The following PPP2CB variants were observed in gnomAD, a reference collection of about 807,000 sequenced individuals.
PPP2CB encodes protein phosphatase 2 catalytic subunit beta.
PPP2CB carries 18 observed loss-of-function variants against 39.1 expected under a neutral mutation model. The ratio of observed to expected loss-of-function variants is 0.46; its 90% CI spans 0.32 to 0.68. PPP2CB has a LOEUF of 0.68. PPP2CB is among the 30% of genes least tolerant of loss of function. The pLI is 0.04. For synonymous variants in PPP2CB, 129 were observed against 133.8 expected, an observed-to-expected ratio of 0.96 and a Z score of 0.25; for missense variants, 226 against 396.9, an observed-to-expected ratio of 0.57 and a Z score of 3.66.
chr8:30,791,190 TACTC>T lies in PPP2CB; in HGVS notation c.857+3_857+6del. ...AGTATATACAATTAAAATTTACAGTTACTCACAAGGAATATTTTAAAGTGTCATC... is the reference window on the plus strand; with the variant it reads ...AGTATATACAATTAAAATTTACAGTTACAAGGAATATTTTAAAGTGTCATC... On this transcript the variant is annotated splice_donor_5th_base_variant and intron_variant, in intron 6 of 6. Transcript: ENST00000221138. The T allele has an allele frequency of 1.3e-6, 2 of 1,539,906 alleles. No individual in the cohort carries two copies. The highest frequency in any genetic ancestry group is 1.8e-6 in the Non-Finnish European group (2 of 1,126,694).
At chr8:30,795,183 T>A (rs1806501449) in intron 3 of PPP2CB, among the ~76,000 whole-genome samples, 1 of 150,718 alleles carries the variant, frequency 6.6e-6, no homozygotes, top group Non-Finnish European at 1.5e-5. Context: ...TGGCGTGATC[T>A]CGGCTCACCG....
rs1384333858 is a variant in PPP2CB, at chr8:30,812,525, C to G, written c.-104G>C. 4 of 746,340 alleles carry G rather than the reference C, an allele frequency of 5.4e-6. No individual in the cohort carries two copies. The highest frequency in any genetic ancestry group is 3.8e-6 in the Non-Finnish European group (2 of 526,528). The allele number at this position is 746,340 out of a possible 1,614,324, so 46.2% of individuals were successfully genotyped here. A position where few individuals can be genotyped will look rare whatever the true frequency, so the allele number is the denominator to read the frequency against. On this transcript the variant is annotated 5_prime_UTR_variant, in exon 1 of 7. Coordinates refer to ENST00000221138, the MANE Select transcript of PPP2CB (RefSeq NM_001009552.2). ...GCCCGGGCGCCGCTCCCCTCTCCCTCCGCCGCCGTCGCCAGGTCCCACAGG... is the reference window on the plus strand; with the variant it reads ...GCCCGGGCGCCGCTCCCCTCTCCCTGCGCCGCCGTCGCCAGGTCCCACAGG...
chr8:30,800,946 C>G (rs970533648), intron 1 of PPP2CB, among the ~76,000 whole-genome samples: 4 of 152,152 alleles, frequency 2.6e-5, no homozygotes. Context: ...GTGGCTCATG[C>G]CTGTAATTCC....
chr8:30,790,628 G>A (rs1806414372), intron 6 of PPP2CB, among the ~76,000 whole-genome samples: 1 of 152,220 alleles, frequency 6.6e-6, no homozygotes, highest in Non-Finnish European at 1.5e-5. Context: ...GGGAAACCCA[G>A]CATTCTCATC....
rs564669728 is a variant in PPP2CB at position 30,788,223 on chromosome 8, A to G, written c.858-1916T>C. Among the ~76,000 whole-genome samples, 24 of 151,586 alleles carry G rather than the reference A, an allele frequency of 1.6e-4. No homozygotes were observed. The South Asian group carries it at 4.8e-3, about 30-fold the overall frequency. ...CTCTGCTTTTTCTAGGTCCTCAAGTATAAAGATAGGTTACTGATTTCAAAT... is the reference window on the plus strand; with the variant it reads ...CTCTGCTTTTTCTAGGTCCTCAAGTGTAAAGATAGGTTACTGATTTCAAAT... On this transcript the variant is annotated intron_variant, in intron 6 of 6. Coordinates refer to ENST00000221138, the MANE Select transcript of PPP2CB (RefSeq NM_001009552.2).
At chr8:30,800,100 A>G (rs1428619564) in intron 1 of PPP2CB, among the ~76,000 whole-genome samples, 1 of 152,240 alleles carries the variant, frequency 6.6e-6, no homozygotes, top group Non-Finnish European at 1.5e-5. Flanking sequence ...AATGAAATCC[A>G]GTTTATACAT....
intron 1 of PPP2CB, among the ~76,000 whole-genome samples, chr8:30,805,658 AATTC>A (rs1391464184): frequency 2.6e-5 from 4 of 152,236 alleles, no homozygotes; most frequent in Non-Finnish European, 5.9e-5. Context: ...CTAAAAAGTT[AATTC>A]AAATAAGCTT....
At position 30,785,876 on chromosome 8, in the gene PPP2CB, A is replaced by G; in HGVS notation, c.*359T>C. 2.7e-6 allele frequency: 1 copy of G among 368,404 alleles called. No individual in the cohort carries two copies. Among genetic ancestry groups the G allele is most frequent in the Non-Finnish European group, 5.3e-6 (1 of 188,080 alleles). The allele number at this position is 368,404 out of a possible 1,614,324, so 22.8% of individuals were successfully genotyped here. ...AATTTTTCTTAAAAATAAAACTCCA[A>G]CTCTATTAATCCATGCCAGTTAAAC... On this transcript the variant is annotated 3_prime_UTR_variant, in exon 7 of 7. Coordinates refer to ENST00000221138, the MANE Select transcript of PPP2CB (RefSeq NM_001009552.2).
intron 6 of PPP2CB, chr8:30,790,915 C>G (rs1806418140): frequency 3.8e-6 from 1 of 263,372 alleles, no homozygotes; most frequent in South Asian, 5.4e-5. Flanking sequence ...TTGGAGGGGG[C>G]AAGTCATAGC....
intron 1 of PPP2CB, 23 bp downstream of exon 1, chr8:30,812,297 A>T: frequency 6.8e-7 from 1 of 1,480,188 alleles, no homozygotes; most frequent in Non-Finnish European, 9.0e-7. Flanking sequence ...GCGCTCCCGC[A>T]CTCGCCCCCG....
At chr8:30,807,902 G>A (rs1163638606) in intron 1 of PPP2CB, among the ~76,000 whole-genome samples, 2 of 152,206 alleles carry the variant, frequency 1.3e-5, no homozygotes, top group Non-Finnish European at 2.9e-5. Flanking sequence ...AGTCTTCTCA[G>A]AAGACATGCC....
At chr8:30,811,825 C>G (rs1319690212) in intron 1 of PPP2CB, among the ~76,000 whole-genome samples, 1 of 152,050 alleles carries the variant, frequency 6.6e-6, no homozygotes, top group Non-Finnish European at 1.5e-5. Context: ...TCTGAGGTGC[C>G]CCGTTCACCT....
At chr8:30,788,444 T>C (rs6468458) in intron 6 of PPP2CB, among the ~76,000 whole-genome samples, 20,416 of 152,036 alleles carry the variant, frequency 0.13, 1,464 homozygotes, top group African/African-American at 0.2. Flanking sequence ...TAAATTTTTT[T>C]GTAGAGACGG....
At chr8:30,795,119 A>ATTTTT (rs893547625) in intron 3 of PPP2CB, among the ~76,000 whole-genome samples, 5 of 127,498 alleles carry the variant, frequency 3.9e-5, no homozygotes, top group African/African-American at 5.8e-5. Flanking sequence ...TCTGATTTTG[A>ATTTTT]TTTTTTTTTT....
At chr8:30,804,853 A>G (rs1205765709) in intron 1 of PPP2CB, among the ~76,000 whole-genome samples, 2 of 152,086 alleles carry the variant, frequency 1.3e-5, no homozygotes, top group Non-Finnish European at 2.9e-5. Flanking sequence ...AGTAAACCAC[A>G]TTATAAAGAA....
chr8:30,786,043 T>C lies in PPP2CB; in HGVS notation c.*192A>G. The C allele has an allele frequency of 1.5e-6, 1 of 684,498 alleles. No homozygotes were observed. Among genetic ancestry groups the C allele is most frequent in the Non-Finnish European group, 2.7e-6 (1 of 375,474 alleles). The allele number at this position is 684,498 out of a possible 1,614,324, so 42.4% of individuals were successfully genotyped here. ...CTGACCTAGAACATAGTGTACTAAA[T>C]TTCAGTCTCAAATTGTGCTAAATGC... On this transcript the variant is annotated 3_prime_UTR_variant, in exon 7 of 7. Transcript: ENST00000221138.
At chr8:30,811,863 T>C (rs1806835185) in intron 1 of PPP2CB, among the ~76,000 whole-genome samples, 1 of 152,100 alleles carries the variant, frequency 6.6e-6, no homozygotes, top group Non-Finnish European at 1.5e-5. Flanking sequence ...TATTAACAAG[T>C]TCATTAATAC....
rs746244937 is a variant in PPP2CB at position 30,797,678 on chromosome 8, T to C, written c.389A>G (p.Tyr130Cys). 3 of 1,614,018 alleles carry C rather than the reference T, an allele frequency of 1.9e-6. No individual in the cohort carries two copies. The highest frequency in any genetic ancestry group is 2.5e-6 in the Non-Finnish European group (3 of 1,179,874). ...SRQITQVYGF[Y>C]DECLRKYGNA... ...CCCATACTTTCGCAGACATTCATCA[T>C]AAAAGCCATATACTTGGGTAATTTG... Residue 130 changes from tyrosine to cysteine, a missense_variant, in exon 3 of 7, where the codon TAT becomes TGT. Transcript: ENST00000221138.
At chr8:30,805,171 A>G (rs1806698930) in intron 1 of PPP2CB, among the ~76,000 whole-genome samples, 1 of 152,238 alleles carries the variant, frequency 6.6e-6, no homozygotes, top group African/African-American at 2.4e-5. Context: ...CAAGTCGAGA[A>G]TACACTGAAC....
Sources: allele counts gnomAD v4.1 joint callset (sites outside exome capture counted in the v4.1 genomes callset), GRCh38; gene constraint gnomAD v4.1.1; transcripts MANE v1.5; gene names NCBI Gene and HGNC (gene_info 2026-07-23, HGNC 2026-07-21).